CLCN5: variants seen among roughly 807,000 people sequenced by gnomAD.
CLCN5 encodes the protein Cl-/H+ antiporter 5.
In CLCN5, 17 loss-of-function variants were observed where a neutral mutation model predicts 54.0. The ratio of observed to expected loss-of-function variants is 0.31; its 90% CI spans 0.22 to 0.47. CLCN5 has a LOEUF of 0.47. CLCN5 is among the 20% of genes least tolerant of loss of function. The probability of loss-of-function intolerance (pLI) is 1.00; values close to 1 mark genes in which losing one functional copy is unlikely to be tolerated. For synonymous variants in CLCN5, 222 were observed against 233.0 expected (o/e 0.95, Z 0.43); for missense variants, 448 against 646.7 (o/e 0.69, Z 3.33).
chrX:50,060,617 C>A (rs1173868980), intron 4 of CLCN5, among the ~76,000 whole-genome samples: 2 of 110,705 alleles, frequency 1.8e-5, no homozygotes, highest in Non-Finnish European at 3.8e-5. Flanking sequence ...CTTAGGTAAA[C>A]AAAGCAGCGG....
At chrX:50,019,450 T>C (rs1168506793) in intron 3 of CLCN5, among the ~76,000 whole-genome samples, 1 of 100,044 alleles carries the variant, frequency 1.0e-5, no homozygotes, top group African/African-American at 3.7e-5. Flanking sequence ...CTGTCTTTCA[T>C]GCTTACTTTT....
At chrX:50,072,631 G>A in intron 6 of CLCN5, 43 bp downstream of exon 6, 1 of 979,854 alleles carries the variant, frequency 1.0e-6, no homozygotes, top group Non-Finnish European at 1.5e-6. Context: ...TCCTAAAATT[G>A]TGGTATGTCT....
chrX:50,028,154 T>A (rs781783314), intron 3 of CLCN5, among the ~76,000 whole-genome samples: 2 of 112,052 alleles, frequency 1.8e-5, no homozygotes, highest in African/African-American at 6.5e-5. Context: ...GTTTTGTTTT[T>A]TCCCCACTTA....
At chrX:50,081,326 C>T (rs915396611) in intron 8 of CLCN5, among the ~76,000 whole-genome samples, 6 of 110,457 alleles carry the variant, frequency 5.4e-5, no homozygotes, top group East Asian at 2.9e-4. Flanking sequence ...TGGGCTACCA[C>T]GTTGTAACAT....
At position 49,947,679 on chromosome X, in the gene CLCN5, T is replaced by A. The variant is rs146719716; in HGVS notation, c.16+22365T>A. ...TTTATTGTAGATACTACTTATTCAA[T>A]TATACCTCTTTTCTTCTGGTTTCTT... On this transcript the variant is annotated intron_variant, in intron 3 of 14. Transcript: ENST00000376091. Among the ~76,000 whole-genome samples, 31 of 111,688 alleles carry A rather than the reference T, an allele frequency of 2.8e-4. No homozygotes were observed. The East Asian group carries it at 8.7e-3, about 31-fold the overall frequency.
chrX:50,087,687 G>T (rs1188991825), intron 11 of CLCN5, among the ~76,000 whole-genome samples: 1 of 111,635 alleles, frequency 9.0e-6, no homozygotes, highest in African/African-American at 3.3e-5. Flanking sequence ...TAATCTCTAA[G>T]ATGACGCCAT....
intron 4 of CLCN5, among the ~76,000 whole-genome samples, chrX:50,058,298 C>T (rs782249829): frequency 9.0e-6 from 1 of 111,267 alleles, no homozygotes; most frequent in East Asian, 2.8e-4. Context: ...AGATTTCTTC[C>T]TATTCTTTTT....
At chrX:49,992,369 AAAGTACCCAT>A (rs1453840335) in intron 3 of CLCN5, among the ~76,000 whole-genome samples, 1 of 109,810 alleles carries the variant, frequency 9.1e-6, no homozygotes, top group Non-Finnish European at 1.9e-5. Flanking sequence ...CAACTCTCAT[AAAGTACCCAT>A]GGCTAGAAAA....
At chrX:50,019,724 G>A (rs1397282445) in intron 3 of CLCN5, among the ~76,000 whole-genome samples, 1 of 23,683 alleles carries the variant, frequency 4.2e-5, no homozygotes, top group African/African-American at 1.9e-4. Context: ...GAGAATATGC[G>A]GTGTTTGGTT....
intron 3 of CLCN5, among the ~76,000 whole-genome samples, chrX:50,013,556 C>A (rs997687655): frequency 2.7e-5 from 3 of 111,808 alleles, no homozygotes; most frequent in Non-Finnish European, 5.7e-5. Context: ...TACACATGCT[C>A]ACATTGTGCA....
rs1322719912 is a variant in CLCN5, at chrX:49,957,568, ATT to A, written c.16+32258_16+32259del. Among the ~76,000 whole-genome samples the A allele has an allele frequency of 3.6e-5, 4 of 110,922 alleles. No individual in the cohort carries two copies. The Admixed American group carries it at 3.8e-4, about 11-fold the overall frequency. Reference sequence around the variant, plus strand: ...TCAGTTCCTAGCCTCGCCTGTTGGTATTTTTGGATTCTAGCTCTATTTGAAAC... The same window carrying A: ...TCAGTTCCTAGCCTCGCCTGTTGGTATTTGGATTCTAGCTCTATTTGAAAC... On this transcript the variant is annotated intron_variant, in intron 3 of 14. Transcript: ENST00000376091.
chrX:50,041,137 CT>C (rs35108770), intron 3 of CLCN5, among the ~76,000 whole-genome samples: 1 of 112,147 alleles, frequency 8.9e-6, no homozygotes, highest in Non-Finnish European at 1.9e-5. Context: ...TTAAGGCCTG[CT>C]TTTTAGGCCT....
At chrX:49,966,095 T>C (rs1927830427) in intron 3 of CLCN5, among the ~76,000 whole-genome samples, 1 of 111,235 alleles carries the variant, frequency 9.0e-6, no homozygotes, top group Non-Finnish European at 1.9e-5. Flanking sequence ...GGTATCAGAA[T>C]AATATTGGTC....
chrX:50,092,361 G>C lies in CLCN5; in HGVS notation c.*142G>C. ...TTGTCTCTTTCCTACAAGTTAACCAGTTGCACTACATAATCTCTGGAAATT... is the reference window on the plus strand; with the variant it reads ...TTGTCTCTTTCCTACAAGTTAACCACTTGCACTACATAATCTCTGGAAATT... On this transcript the variant is annotated 3_prime_UTR_variant, in exon 15 of 15. Transcript: ENST00000376091. The C allele has an allele frequency of 2.1e-6, 1 of 485,812 alleles. No homozygotes were observed. Among genetic ancestry groups the C allele is most frequent in the Non-Finnish European group, 3.7e-6 (1 of 271,811 alleles). The allele number at this position is 485,812 out of a possible 1,213,427, so 40.0% of individuals were successfully genotyped here. A position where few individuals can be genotyped will look rare whatever the true frequency, so the allele number is the denominator to read the frequency against.
chrX:50,067,089 G>C (rs1004541363), intron 4 of CLCN5, among the ~76,000 whole-genome samples: 8 of 110,690 alleles, frequency 7.2e-5, no homozygotes, highest in Admixed American at 6.7e-4. Flanking sequence ...CTTTACTTTT[G>C]CCATTTCCTT....
intron 4 of CLCN5, among the ~76,000 whole-genome samples, chrX:50,051,373 C>T (rs1162628000): frequency 1.8e-5 from 2 of 111,983 alleles, no homozygotes; most frequent in African/African-American, 6.5e-5. Context: ...CTGTTCTCTT[C>T]GTCTATGCAT....
In CLCN5 at chrX:50,069,749, C is replaced by T. The variant is rs1293169275; in HGVS notation, c.164-130C>T. 1.8e-5 allele frequency: 19 copies of T among 1,070,165 alleles called. No homozygotes were observed. In the East Asian group the frequency reaches 6.5e-4, roughly 36 times the overall value. 88.2% of individuals were successfully genotyped at this position (1,070,165 alleles called of 1,213,427 possible). The stretch of plus-strand genomic sequence containing the variant: ...TGTAATGGATGTTCCTACCAGGTGA[C>T]TGTATTTCTTTATCAACCCCAACTG... On this transcript the variant is annotated intron_variant, in intron 4 of 14. Transcript: ENST00000376091.
intron 3 of CLCN5, among the ~76,000 whole-genome samples, chrX:49,988,885 C>T (rs1929110397): frequency 9.1e-6 from 1 of 110,220 alleles, no homozygotes; most frequent in South Asian, 3.9e-4. Context: ...GCCGCCTGTT[C>T]GTTCACACTG....
intron 3 of CLCN5, among the ~76,000 whole-genome samples, chrX:50,018,723 C>T (rs782564125): frequency 1.8e-5 from 2 of 112,095 alleles, no homozygotes; most frequent in African/African-American, 6.5e-5. Context: ...TGTGATTTTT[C>T]TTCTTAAGCC....
Sources: allele counts gnomAD v4.1 joint callset (sites outside exome capture counted in the v4.1 genomes callset), GRCh38; gene constraint gnomAD v4.1.1; transcripts MANE v1.5; gene names NCBI Gene and HGNC (gene_info 2026-07-23, HGNC 2026-07-21).